The following RBM23 variants were observed in gnomAD, a reference collection of about 807,000 sequenced individuals.
RBM23 encodes probable RNA-binding protein 23.
Under a neutral mutation model 56.2 loss-of-function variants are expected in RBM23, and 53 were observed. The observed-to-expected ratio is 0.94, with a 90% CI of 0.76 to 1.19. The LOEUF is 1.19. Among genes scored for constraint, RBM23 ranks in the 50% most tolerant of loss-of-function variants. The pLI is 0.00. For synonymous variants in RBM23, 197 were observed against 198.5 expected (o/e 0.99, Z 0.06); for missense variants, 642 against 590.3 (o/e 1.09, Z -0.91).
chr14:22,899,204 A>T lies in RBM23; in HGVS notation c.*2526T>A, dbSNP rs2040300032. ...GGACAGAGCCCTCATGAGTGGATTAATGTCACTATCACACAGCAGGTTATC... is the reference window on the plus strand; with the variant it reads ...GGACAGAGCCCTCATGAGTGGATTATTGTCACTATCACACAGCAGGTTATC... On this transcript the variant is annotated 3_prime_UTR_variant, in exon 14 of 14. Coordinates refer to ENST00000359890, the MANE Select transcript of RBM23 (RefSeq NM_001077351.2). 6.6e-6 allele frequency: 1 copy of T among 152,214 alleles called. No individual in the cohort carries two copies. Among genetic ancestry groups the T allele is most frequent in the Non-Finnish European group, 1.5e-5 (1 of 68,046 alleles). The allele number at this position is 152,214 out of a possible 1,614,324, so 9.4% of individuals were successfully genotyped here.
chr14:22,908,400 CTTCT>C lies in RBM23; in HGVS notation c.180-24_180-21del, dbSNP rs1054641974. On this transcript the variant is annotated intron_variant, in intron 3 of 13. Transcript: ENST00000359890. ...TTCTTCCTGTGAAAGAGAGTACATTCTTCTTTTTTTTTTTTTAATTTTGAGAAAG... is the reference window on the plus strand; with the variant it reads ...TTCTTCCTGTGAAAGAGAGTACATTCTTTTTTTTTTTTAATTTTGAGAAAG... 1.1e-5 allele frequency: 17 copies of C among 1,536,128 alleles called. No individual in the cohort carries two copies. The East Asian group carries it at 1.2e-4, about 11-fold the overall frequency.
Position 22,898,887 on chromosome 14 carries a change from A to G in RBM23, c.*2843T>C, listed in dbSNP as rs779959564. ...GTACCCACTGCACTTCTCAAGATAC[A>G]TTAGAAGCCAAATCAATAACTGTAG... On this transcript the variant is annotated 3_prime_UTR_variant, in exon 14 of 14. Transcript: ENST00000359890. 4.6e-5 allele frequency: 7 copies of G among 152,142 alleles called. No homozygotes were observed. Among genetic ancestry groups the G allele is most frequent in the African/African-American group, 9.7e-5 (4 of 41,440 alleles). 9.4% of individuals were successfully genotyped at this position (152,142 alleles called of 1,614,324 possible). A position where few individuals can be genotyped will look rare whatever the true frequency, so the allele number is the denominator to read the frequency against.
At chr14:22,914,262 T>A (rs1165415629) in intron 1 of RBM23, among the ~76,000 whole-genome samples, 1 of 150,174 alleles carries the variant, frequency 6.7e-6, no homozygotes, top group Non-Finnish European at 1.5e-5. Context: ...GAGACAGAGG[T>A]TGCAGTGAGC....
At chr14:22,912,886 G>A (rs575033991) in intron 1 of RBM23, among the ~76,000 whole-genome samples, 1 of 149,630 alleles carries the variant, frequency 6.7e-6, no homozygotes, top group Non-Finnish European at 1.5e-5. Context: ...TGTAGGCCCA[G>A]CTACTCGGGA....
chr14:22,903,976 G>A, intron 10 of RBM23: 2 of 1,354,258 alleles, frequency 1.5e-6, no homozygotes, highest in Non-Finnish European at 1.9e-6. Context: ...CCTTTTAGCT[G>A]CAGCCTGGTT....
chr14:22,896,490 T>C lies in RBM23; in HGVS notation c.*5240A>G, dbSNP rs1046855829. On this transcript the variant is annotated 3_prime_UTR_variant, in exon 14 of 14. Transcript: ENST00000359890. ...TGAAACTCCCATCCTTTCTGGAACA[T>C]TGGCAAGTTTGACGGGTCTCCGATT... 2 of 152,204 alleles carry C rather than the reference T, an allele frequency of 1.3e-5. No homozygotes were observed. The highest frequency in any genetic ancestry group is 2.9e-5 in the Non-Finnish European group (2 of 68,038). 9.4% of individuals were successfully genotyped at this position (152,204 alleles called of 1,614,324 possible).
intron 9 of RBM23, 64 bp from the exon 10 acceptor site, chr14:22,904,390 C>A: frequency 7.1e-7 from 1 of 1,403,664 alleles, no homozygotes; most frequent in Non-Finnish European, 9.8e-7. Context: ...TCTTTCCTAC[C>A]CAGACTGCTT....
At chr14:22,918,386 C>A (rs2043943473) in intron 1 of RBM23, among the ~76,000 whole-genome samples, 1 of 132,834 alleles carries the variant, frequency 7.5e-6, no homozygotes, top group Non-Finnish European at 1.7e-5. Flanking sequence ...AAGCGACACT[C>A]CGCCTTAAAA....
At chr14:22,918,909 T>C (rs1034898697) in intron 1 of RBM23, 90 bp downstream of exon 1, 1 of 152,142 alleles carries the variant, frequency 6.6e-6, no homozygotes, top group Non-Finnish European at 1.5e-5. Context: ...GTGACGCCAT[T>C]TTCTGCCCGT....
rs1321571151 is a variant in RBM23, at chr14:22,901,350, G to C, written c.*380C>G. 1 of 296,210 alleles carries C rather than the reference G, an allele frequency of 3.4e-6. No homozygotes were observed. Among genetic ancestry groups the C allele is most frequent in the Non-Finnish European group, 6.3e-6 (1 of 159,346 alleles). The allele number at this position is 296,210 out of a possible 1,614,324, so 18.3% of individuals were successfully genotyped here. A position where few individuals can be genotyped will look rare whatever the true frequency, so the allele number is the denominator to read the frequency against. ...TTCCTTGACAGACTAAAGGTTAAAGGTACAGGAAAAGGAGAGAGGTCAGTT... is the reference window on the plus strand; with the variant it reads ...TTCCTTGACAGACTAAAGGTTAAAGCTACAGGAAAAGGAGAGAGGTCAGTT... On this transcript the variant is annotated 3_prime_UTR_variant, in exon 14 of 14. Transcript: ENST00000359890.
chr14:22,903,892 C>A, intron 10 of RBM23: 1 of 1,180,196 alleles, frequency 8.5e-7, no homozygotes, highest in African/African-American at 1.6e-5. Context: ...CTATTCCCAT[C>A]CCTGTTATGA....
At chr14:22,902,486 C>T (rs2040732916) in intron 10 of RBM23, 104 bp from the exon 11 acceptor site, 2 of 1,450,296 alleles carry the variant, frequency 1.4e-6, no homozygotes. Flanking sequence ...ATTGTATGCT[C>T]ACTGAGGTAC....
At position 22,905,220 on chromosome 14, in the gene RBM23, A is replaced by T. The variant is rs2041319651; in HGVS notation, c.600T>A (p.Asp200Glu). 4 of 1,614,214 alleles carry T rather than the reference A, an allele frequency of 2.5e-6. No individual in the cohort carries two copies. Among genetic ancestry groups the T allele is most frequent in the Non-Finnish European group, 3.4e-6 (4 of 1,180,040 alleles). ...TGCCCTTAGAACGACGTGAGTTCCG[A>T]TCTGAGATGATACGTACATCGCGAA... Reference protein sequence around the residue: ...GKVRDVRIISDRNSRRSKGIA... With the variant: ...GKVRDVRIISERNSRRSKGIA... The change falls in exon 8 of 14, where the codon GAT (aspartate) becomes GAA (glutamate). Residue 200 changes from aspartate (D) to glutamate (E), a missense_variant. Coordinates refer to ENST00000359890, the MANE Select transcript of RBM23 (RefSeq NM_001077351.2).
chr14:22,905,742 C>G, intron 5 of RBM23, 83 bp from the exon 6 acceptor site: 1 of 1,053,802 alleles, frequency 9.5e-7, no homozygotes, highest in South Asian at 1.4e-5. Flanking sequence ...AAACCAGATT[C>G]CAGTACTTCA....
Position 22,903,931 on chromosome 14 carries a change from T to C in RBM23, c.930+330A>G. The stretch of plus-strand genomic sequence containing the variant: ...ACATCAATTCTATAAAGCATGTCTT[T>C]AAAAGCCCATACCTAACCTCCCTCA... On this transcript the variant is annotated intron_variant, in intron 10 of 13. Coordinates refer to ENST00000359890, the MANE Select transcript of RBM23 (RefSeq NM_001077351.2). The C allele has an allele frequency of 2.4e-6, 3 of 1,252,990 alleles. No homozygotes were observed. The East Asian group carries it at 1.3e-4, about 54-fold the overall frequency. The allele number at this position is 1,252,990 out of a possible 1,614,324, so 77.6% of individuals were successfully genotyped here.
chr14:22,903,514 C>T (rs2040981545), intron 10 of RBM23: 1 of 986,016 alleles, frequency 1.0e-6, no homozygotes, highest in African/African-American at 1.7e-5. Flanking sequence ...AGTTCCTAGG[C>T]AGGTGTTATA....
rs1046019718 is a variant in RBM23 at position 22,906,192 on chromosome 14, T to C, written c.401+3A>G. The C allele has an allele frequency of 6.2e-7, 1 of 1,613,860 alleles. No individual in the cohort carries two copies. Among genetic ancestry groups the C allele is most frequent in the Non-Finnish European group, 8.5e-7 (1 of 1,179,776 alleles). ...AAGTGAATCTATTAGCAAAAAGTGATACCCAGTGGCAAGTGGAGGACTCCT... is the reference window on the plus strand; with the variant it reads ...AAGTGAATCTATTAGCAAAAAGTGACACCCAGTGGCAAGTGGAGGACTCCT... On this transcript the variant is annotated splice_donor_region_variant and intron_variant, in intron 5 of 13. Transcript: ENST00000359890.
At chr14:22,914,307 G>A (rs1445756287) in intron 1 of RBM23, among the ~76,000 whole-genome samples, 1 of 130,098 alleles carries the variant, frequency 7.7e-6, no homozygotes, top group African/African-American at 2.9e-5. Context: ...CCTGGTGACA[G>A]AGCAAGACTC....
chr14:22,904,382 T>C (rs1016297819), intron 9 of RBM23, 56 bp from the exon 10 acceptor site: 15 of 1,443,100 alleles, frequency 1.0e-5, no homozygotes, highest in Middle Eastern at 2.5e-4. Context: ...ATCTTCAATC[T>C]TTCCTACCCA....
Sources: gnomAD v4.1 joint callset for allele counts (sites outside exome capture counted in the v4.1 genomes callset) on GRCh38, gnomAD v4.1.1 for gene constraint, MANE v1.5 for transcripts, NCBI Gene and HGNC (gene_info 2026-07-23, HGNC 2026-07-21) for gene names.